Variants in CD302 observed in about 807,000 individuals in gnomAD.
CD302 encodes CD302 antigen.
A neutral mutation model predicts 26.5 loss-of-function variants in CD302; 23 were observed. The observed-to-expected ratio is 0.87, with a 90% CI of 0.62 to 1.23. The LOEUF is 1.23. CD302 is among the 50% of genes most tolerant of loss of function. CD302 has a pLI of 0.00. For missense variants in CD302, 290 were observed against 275.5 expected (o/e 1.05, Z -0.37); for synonymous variants, 90 against 99.4 (o/e 0.91, Z 0.56).
intron 4 of CD302, among the ~76,000 whole-genome samples, chr2:159,778,935 T>G (rs1191608336): frequency 6.6e-6 from 1 of 152,046 alleles, no homozygotes; most frequent in Non-Finnish European, 1.5e-5. Context: ...CTTCTGTTCA[T>G]TAAAAAACCT....
At position 159,786,873 on chromosome 2, in the gene CD302, T is replaced by C. The variant is rs531724252; in HGVS notation, c.68-3404A>G. ...GAATGAGGAACAGAACATTAACCCC[T>C]TTTGCTCACCATCCCTTCCAAAGGT... On this transcript the variant is annotated intron_variant, in intron 1 of 5. Coordinates refer to ENST00000259053, the MANE Select transcript of CD302 (RefSeq NM_014880.5). Among the ~76,000 whole-genome samples, 4 of 152,274 alleles carry C rather than the reference T, an allele frequency of 2.6e-5. No homozygotes were observed. In the South Asian group the frequency reaches 8.3e-4, roughly 32 times the overall value.
At chr2:159,797,990 G>C in intron 1 of CD302, 142 bp downstream of exon 1, 6 of 745,376 alleles carry the variant, frequency 8.0e-6, no homozygotes, top group Non-Finnish European at 1.2e-5. Context: ...ACGGGGGACG[G>C]GCGTGCAGGG....
chr2:159,772,217 T>G (rs1219724970), intron 5 of CD302, among the ~76,000 whole-genome samples, 164 bp from the exon 6 acceptor site: 1 of 152,216 alleles, frequency 6.6e-6, no homozygotes, highest in East Asian at 1.9e-4. Context: ...TAACAAGATT[T>G]ATATTTCTTA....
At chr2:159,772,648 C>T (rs1445857022) in intron 5 of CD302, among the ~76,000 whole-genome samples, 1 of 152,172 alleles carries the variant, frequency 6.6e-6, no homozygotes, top group South Asian at 2.1e-4. Flanking sequence ...AGGAAAATAA[C>T]CTGGTTTAGG....
rs749527664 is a variant in CD302 at position 159,777,941 on chromosome 2, A to G, written c.493T>C (p.Ser165Pro). Residue 165 changes from serine to proline, a missense_variant, in exon 5 of 6, where the codon TCA (serine) becomes CCA (proline). By Grantham distance (74) the Ser-to-Pro change is moderately conservative (BLOSUM62 -1). Coordinates refer to ENST00000259053, the MANE Select transcript of CD302 (RefSeq NM_014880.5). ...TAIPYKRKYLSDNHILISALV... is the reference protein window; with the variant it reads ...TAIPYKRKYLPDNHILISALV... ...TAAAGACCAAATCATTACTTACCTG[A>G]TAAATATTTCCTTTTGTATGGGACT... 12 of 1,019,642 alleles carry G rather than the reference A, an allele frequency of 1.2e-5. No homozygotes were observed. The highest frequency in any genetic ancestry group is 1.7e-5 in the Non-Finnish European group (12 of 714,032). The allele number at this position is 1,019,642 out of a possible 1,614,324, so 63.2% of individuals were successfully genotyped here.
intron 5 of CD302, among the ~76,000 whole-genome samples, chr2:159,774,513 C>T (rs1437337525): frequency 6.6e-6 from 1 of 152,162 alleles, no homozygotes; most frequent in Non-Finnish European, 1.5e-5. Context: ...GGTGAGAGTG[C>T]CAACTGTGCA....
intron 3 of CD302, 60 bp from the exon 4 acceptor site, chr2:159,780,238 A>T: frequency 6.4e-7 from 1 of 1,571,658 alleles, no homozygotes; most frequent in South Asian, 1.2e-5. Context: ...CAAGCCAAAA[A>T]GGGTGTAGGA....
In CD302 at chr2:159,769,936, G is replaced by A. The variant is rs528896320; in HGVS notation, c.*1915C>T. 1 of 152,176 alleles carries A rather than the reference G, an allele frequency of 6.6e-6. No homozygotes were observed. Among genetic ancestry groups the A allele is most frequent in the East Asian group, 1.9e-4 (1 of 5,188 alleles). 9.4% of individuals were successfully genotyped at this position (152,176 alleles called of 1,614,324 possible). A position where few individuals can be genotyped will look rare whatever the true frequency, so the allele number is the denominator to read the frequency against. ...TTGAACACTTGACAATGTGGCTAAT[G>A]TAATTCGAAAACTGGATTTTAAACT... On this transcript the variant is annotated 3_prime_UTR_variant, in exon 6 of 6. Transcript: ENST00000259053.
At chr2:159,791,722 C>T (rs1002561757) in intron 1 of CD302, among the ~76,000 whole-genome samples, 2 of 152,210 alleles carry the variant, frequency 1.3e-5, no homozygotes, top group African/African-American at 4.8e-5. Flanking sequence ...GCTCTGACTA[C>T]ACAATCGTGG....
intron 5 of CD302, among the ~76,000 whole-genome samples, chr2:159,775,312 T>C (rs1162950423): frequency 6.6e-6 from 1 of 152,264 alleles, no homozygotes; most frequent in African/African-American, 2.4e-5. Flanking sequence ...CATGCATACA[T>C]GTAATGAATT....
rs1349482963 is a variant in CD302 at position 159,771,296 on chromosome 2, T to A, written c.*555A>T. On this transcript the variant is annotated 3_prime_UTR_variant, in exon 6 of 6. Transcript: ENST00000259053. ...AAACATTCATTAAAACTTGAGTCAT[T>A]TGTGATAAAATGGTGTGTGTAAAAG... 1 of 152,542 alleles carries A rather than the reference T, an allele frequency of 6.6e-6. No homozygotes were observed. The highest frequency in any genetic ancestry group is 1.5e-5 in the Non-Finnish European group (1 of 68,322). 9.4% of individuals were successfully genotyped at this position (152,542 alleles called of 1,614,324 possible). A position where few individuals can be genotyped will look rare whatever the true frequency, so the allele number is the denominator to read the frequency against.
chr2:159,777,819 A>G, intron 5 of CD302, 119 bp downstream of exon 5: 1 of 468,562 alleles, frequency 2.1e-6, no homozygotes, highest in South Asian at 2.3e-5. Context: ...ATTCTTATAA[A>G]AATTGTTCTA....
At chr2:159,783,193 T>C (rs1017004849) in intron 2 of CD302, among the ~76,000 whole-genome samples, 166 bp downstream of exon 2, 2 of 152,336 alleles carry the variant, frequency 1.3e-5, no homozygotes, top group South Asian at 2.1e-4. Flanking sequence ...ATTAAATATA[T>C]ACCCAATTCC....
At chr2:159,794,808 A>G (rs1171849288) in intron 1 of CD302, among the ~76,000 whole-genome samples, 1 of 149,974 alleles carries the variant, frequency 6.7e-6, no homozygotes, top group Admixed American at 6.6e-5. Context: ...TCGGCCTCCC[A>G]AAGTGCTGGG....
chr2:159,772,013 C>T lies in CD302; in HGVS notation c.537G>A (p.Thr179=), dbSNP rs1485786591. The T allele has an allele frequency of 9.3e-6, 15 of 1,613,862 alleles. No individual in the cohort carries two copies. The highest frequency in any genetic ancestry group is 1.1e-5 in the Non-Finnish European group (13 of 1,179,902). ...TTGCTCCCAAAACTGTCAAAATTACCGTGCTAGCAATCACCAATGCTGATA... is the reference window on the plus strand; with the variant it reads ...TTGCTCCCAAAACTGTCAAAATTACTGTGCTAGCAATCACCAATGCTGATA... ...ILISALVIAS[T]VILTVLGAII... The change falls in exon 6 of 6, where the codon ACG becomes ACA. Residue 179 remains threonine (T), a synonymous_variant. Transcript: ENST00000259053.
At chr2:159,798,067 G>A in intron 1 of CD302, 65 bp downstream of exon 1, 1 of 1,424,092 alleles carries the variant, frequency 7.0e-7, no homozygotes, top group Non-Finnish European at 9.4e-7. Flanking sequence ...GACGAAGAGC[G>A]TGCGTTGGGA....
At chr2:159,785,864 A>G (rs992860003) in intron 1 of CD302, among the ~76,000 whole-genome samples, 3 of 152,054 alleles carry the variant, frequency 2.0e-5, no homozygotes, top group African/African-American at 7.2e-5. Flanking sequence ...TGGCAGTGTA[A>G]AGTACCAGCA....
intron 1 of CD302, among the ~76,000 whole-genome samples, chr2:159,788,218 ATAG>A: frequency 3.6e-5 from 1 of 27,402 alleles, no homozygotes; most frequent in South Asian, 7.3e-4. Context: ...TAAGATGTAC[ATAG>A]TCATGCACCA....
In CD302 at chr2:159,769,117, A is replaced by G. The variant is rs564234643; in HGVS notation, c.*2734T>C. The G allele has an allele frequency of 6.6e-6, 1 of 152,298 alleles. No individual in the cohort carries two copies. Among genetic ancestry groups the G allele is most frequent in the East Asian group, 1.9e-4 (1 of 5,182 alleles). 9.4% of individuals were successfully genotyped at this position (152,298 alleles called of 1,614,324 possible). A position where few individuals can be genotyped will look rare whatever the true frequency, so the allele number is the denominator to read the frequency against. On this transcript the variant is annotated 3_prime_UTR_variant, in exon 6 of 6. Transcript: ENST00000259053. The stretch of plus-strand genomic sequence containing the variant: ...GTTATCAGTTTTAAATTCTGAACAA[A>G]AGAGACCATACACTGCTCACTACAA...
Sources: allele counts gnomAD v4.1 joint callset (sites outside exome capture counted in the v4.1 genomes callset), GRCh38; gene constraint gnomAD v4.1.1; transcripts MANE v1.5; gene names NCBI Gene and HGNC (gene_info 2026-07-23, HGNC 2026-07-21).